HIBCH: variants seen among roughly 807,000 people sequenced by gnomAD.
The protein encoded by HIBCH is 3-hydroxyisobutyryl-CoA hydrolase, mitochondrial.
Under a neutral mutation model 58.2 loss-of-function variants are expected in HIBCH, and 50 were observed. The ratio of observed to expected loss-of-function variants is 0.86; its 90% CI spans 0.68 to 1.09. The LOEUF (loss-of-function observed/expected upper bound fraction) is 1.09. Among genes scored for constraint, HIBCH ranks in the 50% least tolerant of loss-of-function variants. The probability of loss-of-function intolerance (pLI) is 0.00; values close to 1 mark genes in which losing one functional copy is unlikely to be tolerated. For missense variants in HIBCH, 450 were observed against 449.7 expected (o/e 1.00, Z -0.01); for synonymous variants, 151 against 146.9 (o/e 1.03, Z -0.20).
chr2:190,314,235 A>T (rs1338836147), intron 1 of HIBCH, among the ~76,000 whole-genome samples: 1 of 148,074 alleles, frequency 6.8e-6, no homozygotes, highest in Non-Finnish European at 1.5e-5. Flanking sequence ...TGTACACAAT[A>T]TTTATAGGTC....
Position 190,205,114 on chromosome 2 carries a change from AC to A in HIBCH, c.*2del. 6.6e-7 allele frequency: 1 copy of A among 1,525,612 alleles called. No homozygotes were observed. Among genetic ancestry groups the A allele is most frequent in the Non-Finnish European group, 9.1e-7 (1 of 1,101,692 alleles). 94.5% of individuals were successfully genotyped at this position (1,525,612 alleles called of 1,614,324 possible). On this transcript the variant is annotated 3_prime_UTR_variant, in exon 14 of 14. Coordinates refer to ENST00000359678, the MANE Select transcript of HIBCH (RefSeq NM_014362.4). ...ACAAAATATACCTTAAAAGCCTGTC[AC>A]CTCAAAATTTCAAATCACTGCTTCC...
At chr2:190,274,566 T>C (rs1436487519) in intron 6 of HIBCH, among the ~76,000 whole-genome samples, 3 of 152,182 alleles carry the variant, frequency 2.0e-5, no homozygotes, top group South Asian at 2.1e-4. Context: ...TTGTGTGTGG[T>C]GGGGGAATTT....
rs937499269 is a variant in HIBCH, at chr2:190,216,330, C to T, written c.892-3255G>A. On this transcript the variant is annotated intron_variant, in intron 11 of 13. Coordinates refer to ENST00000359678, the MANE Select transcript of HIBCH (RefSeq NM_014362.4). The surrounding 1 kb of genome is among the most constrained non-coding windows in gnomAD (Gnocchi z 4.2). ...TTGCCTATGGATGGCTGTCAGAAGGCGGCAGAAAGGATTCAGATTATGGAA... is the reference window on the plus strand; with the variant it reads ...TTGCCTATGGATGGCTGTCAGAAGGTGGCAGAAAGGATTCAGATTATGGAA... Among the ~76,000 whole-genome samples, 2 of 152,008 alleles carry T rather than the reference C, an allele frequency of 1.3e-5. No homozygotes were observed. Among genetic ancestry groups the T allele is most frequent in the Admixed American group, 6.6e-5 (1 of 15,260 alleles).
intron 7 of HIBCH, among the ~76,000 whole-genome samples, chr2:190,255,579 T>C (rs1686895989): frequency 6.6e-6 from 1 of 152,158 alleles, no homozygotes. Context: ...ACACTGAACA[T>C]CAAGCAATAA....
chr2:190,289,927 G>A (rs1687919972), intron 5 of HIBCH, among the ~76,000 whole-genome samples: 1 of 152,150 alleles, frequency 6.6e-6, no homozygotes, highest in Non-Finnish European at 1.5e-5. Context: ...GCCCAGGCTG[G>A]AGTGCAGTGG....
At chr2:190,309,917 T>C (rs1455305659) in intron 2 of HIBCH, among the ~76,000 whole-genome samples, 1 of 152,182 alleles carries the variant, frequency 6.6e-6, no homozygotes. Flanking sequence ...CCTGGGTATG[T>C]CTGTGCAGGT....
At chr2:190,286,816 T>TGAGTAACAGG (rs1687839295) in intron 6 of HIBCH, among the ~76,000 whole-genome samples, 1 of 151,980 alleles carries the variant, frequency 6.6e-6, no homozygotes, top group African/African-American at 2.4e-5. Context: ...GGTGAAATTT[T>TGAGTAACAGG]GAGTAACAGG....
At chr2:190,199,689 C>G, downstream of HIBCH, 1 of 1,425,320 alleles carries the variant, frequency 7.0e-7, no homozygotes, top group South Asian at 1.6e-5. Context: ...CCTACCTTCT[C>G]TTGACAGGTA....
chr2:190,269,237 T>A (rs1357959450), intron 6 of HIBCH, among the ~76,000 whole-genome samples: 1 of 151,974 alleles, frequency 6.6e-6, no homozygotes, highest in East Asian at 1.9e-4. Flanking sequence ...ACAAATGGGA[T>A]CTAATCAAAC....
chr2:190,222,377 T>A (rs1685746201), intron 11 of HIBCH, among the ~76,000 whole-genome samples: 1 of 151,206 alleles, frequency 6.6e-6, no homozygotes, highest in Non-Finnish European at 1.5e-5. Context: ...TATGAATTTG[T>A]CTAAGGTTCA....
chr2:190,319,811 C>G lies in HIBCH; in HGVS notation c.-61G>C. On this transcript the variant is annotated 5_prime_UTR_variant, in exon 1 of 14. Coordinates refer to ENST00000359678, the MANE Select transcript of HIBCH (RefSeq NM_014362.4). ...AATCTCCCGGACCGTTCCAGCGCCTCGCGTGAGCCCCGCCCACCGCCGTCC... is the reference window on the plus strand; with the variant it reads ...AATCTCCCGGACCGTTCCAGCGCCTGGCGTGAGCCCCGCCCACCGCCGTCC... 6.3e-7 allele frequency: 1 copy of G among 1,579,064 alleles called. No individual in the cohort carries two copies. The highest frequency in any genetic ancestry group is 8.6e-7 in the Non-Finnish European group (1 of 1,161,024).
chr2:190,199,572 C>A (rs1012745424), downstream of HIBCH: 14 of 380,732 alleles, frequency 3.7e-5, no homozygotes, highest in African/African-American at 1.4e-4. Flanking sequence ...TAAGATAAAG[C>A]TGTTTGTTTT....
chr2:190,248,169 GT>G (rs1686662518), intron 9 of HIBCH, among the ~76,000 whole-genome samples: 1 of 152,102 alleles, frequency 6.6e-6, no homozygotes, highest in African/African-American at 2.4e-5. Context: ...TGCCTTTGTT[GT>G]TTGTTTTGGC....
intron 11 of HIBCH, among the ~76,000 whole-genome samples, chr2:190,226,093 T>C (rs1685883915): frequency 6.6e-6 from 1 of 152,214 alleles, no homozygotes; most frequent in Non-Finnish European, 1.5e-5. Context: ...AACTAGGTAT[T>C]GATGCGACGT....
chr2:190,259,919 T>G (rs1246487838), intron 7 of HIBCH, among the ~76,000 whole-genome samples: 1 of 152,212 alleles, frequency 6.6e-6, no homozygotes, highest in African/African-American at 2.4e-5. Context: ...CATTGTCTTG[T>G]TCCTTATCTT....
chr2:190,315,765 T>C lies in HIBCH; in HGVS notation c.35+3951A>G, dbSNP rs1355398603. 2.0e-5 allele frequency among the ~76,000 whole-genome samples: 3 copies of C among 151,624 alleles called. No homozygotes were observed. The highest frequency in any genetic ancestry group is 4.4e-5 in the Non-Finnish European group (3 of 67,884). On this transcript the variant is annotated intron_variant, in intron 1 of 13. Coordinates refer to ENST00000359678, the MANE Select transcript of HIBCH (RefSeq NM_014362.4). The surrounding 1 kb of genome is among the most constrained non-coding windows in gnomAD (Gnocchi z 5.4). ...CAGAAGGGAGTGATATTATTAAGAG[T>C]TTTTATAAAGTAAAAACTCAATGGA... is the stretch of plus-strand genomic sequence containing the variant.
chr2:190,226,064 A>G (rs554588758), intron 11 of HIBCH, among the ~76,000 whole-genome samples: 25 of 152,358 alleles, frequency 1.6e-4, no homozygotes, highest in African/African-American at 6.0e-4. Context: ...ATAGCCCTCC[A>G]TGCTAAAAAC....
At chr2:190,311,356 T>C (rs1349668501) in intron 1 of HIBCH, among the ~76,000 whole-genome samples, 4 of 152,340 alleles carry the variant, frequency 2.6e-5, no homozygotes, top group South Asian at 2.1e-4. Flanking sequence ...ACTGTAATGG[T>C]TGATACATGT....
chr2:190,302,798 G>A (rs1449075972), intron 2 of HIBCH, among the ~76,000 whole-genome samples: 1 of 152,106 alleles, frequency 6.6e-6, no homozygotes, highest in East Asian at 1.9e-4. Context: ...GAACCTAACT[G>A]AATTACACAT....
Sources: allele counts gnomAD v4.1 joint callset (sites outside exome capture counted in the v4.1 genomes callset), GRCh38; gene constraint gnomAD v4.1.1; non-coding constraint Gnocchi (gnomAD v3.1); transcripts MANE v1.5; gene names NCBI Gene and HGNC (gene_info 2026-07-23, HGNC 2026-07-21).